Variants in GNB5 observed in about 807,000 individuals in gnomAD.
GNB5 encodes the protein G protein subunit beta 5.
GNB5 carries 37 observed loss-of-function variants against 55.3 expected under a neutral mutation model. The ratio of observed to expected loss-of-function variants is 0.67; its 90% CI spans 0.51 to 0.88. The LOEUF is 0.88. Ranked by LOEUF, GNB5 falls within the 40% of genes least tolerant of loss-of-function variation. The probability of loss-of-function intolerance (pLI) is 0.00; values close to 1 mark genes in which losing one functional copy is unlikely to be tolerated. For missense variants in GNB5, 476 were observed against 515.3 expected (o/e 0.92, Z 0.74); for synonymous variants, 219 against 198.5 (o/e 1.10, Z -0.87).
chr15:52,147,376 G>A, intron 6 of GNB5, 83 bp downstream of exon 6: 1 of 825,966 alleles, frequency 1.2e-6, no homozygotes, highest in Non-Finnish European at 2.1e-6. Flanking sequence ...AAAACTGTGA[G>A]TTCTTGTTTG....
intron 3 of GNB5, among the ~76,000 whole-genome samples, chr15:52,158,551 C>T (rs1313253924): frequency 2.6e-5 from 4 of 152,128 alleles, no homozygotes; most frequent in Admixed American, 2.0e-4. Context: ...AGCTGTCAAG[C>T]AACTCACCAA....
In GNB5 at chr15:52,124,514, C is replaced by T. The variant is rs2033367857; in HGVS notation, c.1135G>A (p.Gly379Arg). The change falls in exon 12 of 13, where the codon GGG becomes AGG. Residue 379 changes from glycine to arginine, a missense_variant. Gly to Arg is a moderately radical substitution (Grantham distance 125). Coordinates refer to ENST00000261837, the MANE Select transcript of GNB5 (RefSeq NM_016194.4). ...RVSTLRVSPDGTAFCSGSWDH... is the reference protein window; with the variant it reads ...RVSTLRVSPDRTAFCSGSWDH... ...CATGATCCAGAGCAGAAAGCAGTCC[C>T]ATCGGGGGAAACTCGTAGAGTGCTA... 5 of 1,614,070 alleles carry T rather than the reference C, an allele frequency of 3.1e-6. No homozygotes were observed. Among genetic ancestry groups the T allele is most frequent in the Non-Finnish European group, 3.4e-6 (4 of 1,179,902 alleles).
chr15:52,129,144 C>T (rs1324993606), intron 9 of GNB5, among the ~76,000 whole-genome samples: 8 of 151,792 alleles, frequency 5.3e-5, no homozygotes, highest in East Asian at 1.9e-4. Context: ...TTAGTAGAGA[C>T]GGGGTTTCAC....
chr15:52,124,739 C>G, intron 11 of GNB5, 100 bp from the exon 12 acceptor site: 1 of 993,876 alleles, frequency 1.0e-6, no homozygotes. Flanking sequence ...GTGATTCAGG[C>G]GCACTGAGTC....
chr15:52,176,332 G>A (rs891648968), intron 3 of GNB5, among the ~76,000 whole-genome samples: 19 of 152,186 alleles, frequency 1.2e-4, no homozygotes, highest in African/African-American at 4.3e-4. Context: ...GGAATTATTC[G>A]ACTTTGCTAA....
chr15:52,151,024 C>T (rs986537278), intron 4 of GNB5, among the ~76,000 whole-genome samples: 6 of 152,228 alleles, frequency 3.9e-5, no homozygotes, highest in African/African-American at 7.2e-5. Flanking sequence ...CATGAGCTGA[C>T]GGAACATTTC....
At chr15:52,186,645 C>T (rs534324203) in intron 1 of GNB5, among the ~76,000 whole-genome samples, 29 of 152,202 alleles carry the variant, frequency 1.9e-4, no homozygotes, top group Middle Eastern at 6.8e-3. Flanking sequence ...GAGTGAGCCC[C>T]GTCAAGATTC....
chr15:52,184,681 T>A lies in GNB5; in HGVS notation c.-5A>T, dbSNP rs1474055002. 1.9e-6 allele frequency: 3 copies of A among 1,611,660 alleles called. No individual in the cohort carries two copies. The African/African-American group carries it at 4.0e-5, about 22-fold the overall frequency. On this transcript the variant is annotated 5_prime_UTR_variant, in exon 2 of 13. Transcript: ENST00000261837. ...GAGAAAGGTCTGATCACACATCTTT[T>A]ACCCAAGATAAAGCTGAAAAAAAGT...
chr15:52,158,007 C>G (rs895663898), intron 3 of GNB5, among the ~76,000 whole-genome samples: 5 of 151,470 alleles, frequency 3.3e-5, no homozygotes, highest in African/African-American at 1.2e-4. Context: ...GACCATTCCT[C>G]CAGGATTTAA....
rs183190210 is a variant in GNB5 at position 52,159,994 on chromosome 15, C to T, written c.239-5918G>A. ...ATGGAGTCTCACTCTGTTGCCTAGG[C>T]TGGAGTGCAATGGTGTGATCTTGGC... On this transcript the variant is annotated intron_variant, in intron 3 of 12. Transcript: ENST00000261837. Among the ~76,000 whole-genome samples the T allele has an allele frequency of 4.0e-5, 6 of 151,282 alleles. No homozygotes were observed. In the East Asian group the frequency reaches 7.8e-4, roughly 20 times the overall value.
intron 3 of GNB5, among the ~76,000 whole-genome samples, chr15:52,171,423 G>C (rs934487906): frequency 2.6e-5 from 4 of 152,128 alleles, no homozygotes; most frequent in African/African-American, 2.4e-5. Context: ...TTGAGATTAT[G>C]AATGACTTGT....
intron 2 of GNB5, among the ~76,000 whole-genome samples, chr15:52,181,633 A>T (rs1278281933): frequency 6.6e-6 from 1 of 152,148 alleles, no homozygotes; most frequent in Non-Finnish European, 1.5e-5. Context: ...ACAAAAACAA[A>T]AACAAAACAA....
intron 3 of GNB5, among the ~76,000 whole-genome samples, chr15:52,158,252 T>G (rs934893184): frequency 6.6e-6 from 1 of 152,060 alleles, no homozygotes; most frequent in African/African-American, 2.4e-5. Flanking sequence ...CTCGAGCAAA[T>G]CATGTACTTT....
intron 3 of GNB5, among the ~76,000 whole-genome samples, chr15:52,175,200 GCAACA>G (rs755706665): frequency 1.3e-5 from 2 of 152,148 alleles, no homozygotes; most frequent in South Asian, 2.1e-4. Context: ...CACCTATATA[GCAACA>G]CTAAAATGCA....
chr15:52,124,342 G>A, intron 12 of GNB5, 131 bp downstream of exon 12: 1 of 668,482 alleles, frequency 1.5e-6, no homozygotes, highest in Admixed American at 2.9e-5. Flanking sequence ...GGGCAGAGTG[G>A]AAATGAGAGC....
At chr15:52,175,446 C>G (rs2034631616) in intron 3 of GNB5, among the ~76,000 whole-genome samples, 1 of 152,086 alleles carries the variant, frequency 6.6e-6, no homozygotes, top group South Asian at 2.1e-4. Context: ...GTGTCAGAAA[C>G]AAATCTGTCA....
intron 3 of GNB5, among the ~76,000 whole-genome samples, chr15:52,176,057 AC>A (rs1480126309): frequency 2.7e-5 from 4 of 148,642 alleles, no homozygotes; most frequent in African/African-American, 7.6e-5. Flanking sequence ...TCAAAAAAAA[AC>A]AAAACAAAAC....
intron 7 of GNB5, chr15:52,138,858 C>T (rs1184044043): frequency 1.3e-5 from 2 of 152,120 alleles, no homozygotes; most frequent in South Asian, 2.1e-4. Context: ...ATTTCTAATA[C>T]TTTTCAATTT....
intron 3 of GNB5, among the ~76,000 whole-genome samples, chr15:52,174,572 T>C (rs373940532): frequency 6.6e-6 from 1 of 152,144 alleles, no homozygotes; most frequent in Admixed American, 6.6e-5. Flanking sequence ...AGGGTCTGGC[T>C]TGGGGATGAG....
Sources: allele counts gnomAD v4.1 joint callset (sites outside exome capture counted in the v4.1 genomes callset), GRCh38; gene constraint gnomAD v4.1.1; transcripts MANE v1.5; gene names NCBI Gene and HGNC (gene_info 2026-07-23, HGNC 2026-07-21).